Variants in FSTL5 observed in about 807,000 individuals in gnomAD.
FSTL5 encodes follistatin-related protein 5.
FSTL5 carries 62 observed loss-of-function variants against 89.1 expected under a neutral mutation model. The ratio of observed to expected loss-of-function variants is 0.70; its 90% CI spans 0.57 to 0.86. The LOEUF (loss-of-function observed/expected upper bound fraction) is 0.86, where lower values mean the gene tolerates loss of function less well. Among genes scored for constraint, FSTL5 ranks in the 40% least tolerant of loss-of-function variants. The pLI is 0.00. For missense variants in FSTL5, 1,057 were observed against 1,001.6 expected, an observed-to-expected ratio of 1.06 and a Z score of -0.75; for synonymous variants, 383 against 346.2, an observed-to-expected ratio of 1.11 and a Z score of -1.18.
intron 15 of FSTL5, among the ~76,000 whole-genome samples, chr4:161,393,497 G>T (rs1245286249): frequency 6.6e-6 from 1 of 152,014 alleles, no homozygotes; most frequent in East Asian, 1.9e-4. Context: ...CTTCGAAGAT[G>T]GGAGAAGGGA....
chr4:161,950,170 T>G (rs1390550969), intron 3 of FSTL5, among the ~76,000 whole-genome samples: 1 of 152,156 alleles, frequency 6.6e-6, no homozygotes, highest in Non-Finnish European at 1.5e-5. Flanking sequence ...TGAGGCACAT[T>G]CTCTTCAGCA....
intron 8 of FSTL5, among the ~76,000 whole-genome samples, chr4:161,561,595 A>T (rs1316076733): frequency 1.3e-5 from 2 of 151,974 alleles, no homozygotes; most frequent in Admixed American, 6.6e-5. Flanking sequence ...TTAACAGGGA[A>T]TTTAATGGGG....
At chr4:161,663,426 G>C (rs1388527244) in intron 6 of FSTL5, among the ~76,000 whole-genome samples, 2 of 152,064 alleles carry the variant, frequency 1.3e-5, no homozygotes, top group Non-Finnish European at 2.9e-5. Flanking sequence ...CCAAAACAAA[G>C]GGGTTACATG....
At chr4:162,124,918 T>C (rs1732018057) in intron 1 of FSTL5, among the ~76,000 whole-genome samples, 1 of 152,176 alleles carries the variant, frequency 6.6e-6, no homozygotes, top group African/African-American at 2.4e-5. Flanking sequence ...TTAGCCAGGA[T>C]GGTCACAATC....
At chr4:161,864,796 C>T (rs1026712016) in intron 4 of FSTL5, among the ~76,000 whole-genome samples, 6 of 142,132 alleles carry the variant, frequency 4.2e-5, no homozygotes, top group Middle Eastern at 4.1e-3. Context: ...CACTTGAACC[C>T]GGGAGGTAGA....
At chr4:161,584,184 C>T (rs1038164748) in intron 8 of FSTL5, among the ~76,000 whole-genome samples, 4 of 152,124 alleles carry the variant, frequency 2.6e-5, no homozygotes, top group Non-Finnish European at 5.9e-5. Flanking sequence ...CATGTCTTCC[C>T]CTCCTCAAAC....
intron 1 of FSTL5, among the ~76,000 whole-genome samples, chr4:162,155,756 G>C (rs1262915461): frequency 1.3e-5 from 2 of 152,156 alleles, no homozygotes; most frequent in Non-Finnish European, 2.9e-5. Context: ...AGGACATTGT[G>C]TTTATACAGA....
chr4:161,928,085 C>T (rs1734179186), intron 3 of FSTL5, among the ~76,000 whole-genome samples: 1 of 151,814 alleles, frequency 6.6e-6, no homozygotes, highest in Non-Finnish European at 1.5e-5. Context: ...GAACCCTCAG[C>T]AATTGCTGAT....
chr4:161,527,751 T>C (rs1395538629), intron 10 of FSTL5, among the ~76,000 whole-genome samples: 1 of 151,542 alleles, frequency 6.6e-6, no homozygotes, highest in Non-Finnish European at 1.5e-5. Context: ...TCCTCAGGGA[T>C]CTAGAACTAG....
chr4:161,551,739 G>C (rs1050115076), intron 8 of FSTL5, among the ~76,000 whole-genome samples: 1 of 151,914 alleles, frequency 6.6e-6, no homozygotes, highest in Admixed American at 6.6e-5. Context: ...ATGGGGAAAC[G>C]ATTCCCTATT....
chr4:161,790,568 C>A (rs1470197672), intron 4 of FSTL5, among the ~76,000 whole-genome samples: 1 of 152,156 alleles, frequency 6.6e-6, no homozygotes, highest in Non-Finnish European at 1.5e-5. Flanking sequence ...GGGGATTTTT[C>A]ATGAGGATGC....
At chr4:161,434,281 A>G (rs1215681132) in intron 15 of FSTL5, among the ~76,000 whole-genome samples, 2 of 152,116 alleles carry the variant, frequency 1.3e-5, no homozygotes, top group Non-Finnish European at 2.9e-5. Flanking sequence ...TTTTCAACAA[A>G]GGTGCCAAGA....
At chr4:161,955,436 T>C (rs1376703751) in intron 3 of FSTL5, among the ~76,000 whole-genome samples, 3 of 151,678 alleles carry the variant, frequency 2.0e-5, no homozygotes, top group African/African-American at 7.2e-5. Context: ...TTGTGCTAAA[T>C]AAAAATAAAA....
At chr4:162,094,023 A>T (rs1730654117) in intron 2 of FSTL5, among the ~76,000 whole-genome samples, 1 of 152,226 alleles carries the variant, frequency 6.6e-6, no homozygotes, top group South Asian at 2.1e-4. Context: ...TAAAATAATT[A>T]TTAAGAACCA....
intron 3 of FSTL5, among the ~76,000 whole-genome samples, chr4:161,998,695 G>A (rs558795114): frequency 1.3e-5 from 2 of 151,960 alleles, no homozygotes; most frequent in Non-Finnish European, 1.5e-5. Flanking sequence ...GAATTGCTTT[G>A]GGTTCAATAA....
intron 4 of FSTL5, among the ~76,000 whole-genome samples, chr4:161,780,481 T>C (rs979311890): frequency 6.6e-6 from 1 of 152,194 alleles, no homozygotes; most frequent in Non-Finnish European, 1.5e-5. Context: ...TCCTCTGCTG[T>C]TCCTGTTCTA....
rs145622729 is a variant in FSTL5 at position 161,707,306 on chromosome 4, T to A, written c.728-50812A>T. On this transcript the variant is annotated intron_variant, in intron 6 of 15. Transcript: ENST00000306100. The stretch of plus-strand genomic sequence containing the variant: ...TAGTTTCTTGGACAAATTCCTATTA[T>A]AGAAACAAGATATGCACTATTGAGA... 2.8e-3 allele frequency among the ~76,000 whole-genome samples: 430 copies of A among 151,986 alleles called. 5 individuals carry two copies. Among genetic ancestry groups the A allele is most frequent in the African/African-American group, 9.8e-3 (407 of 41,514 alleles).
At chr4:162,026,464 C>A (rs1203320422) in intron 3 of FSTL5, among the ~76,000 whole-genome samples, 16 of 151,528 alleles carry the variant, frequency 1.1e-4, no homozygotes, top group Non-Finnish European at 2.9e-5. Context: ...CCCACCACCA[C>A]GCTTGGCTAA....
At chr4:161,976,627 G>A (rs530194865) in intron 3 of FSTL5, among the ~76,000 whole-genome samples, 1 of 151,964 alleles carries the variant, frequency 6.6e-6, no homozygotes, top group East Asian at 1.9e-4. Flanking sequence ...GACTACAGGC[G>A]CCCGCCACCA....
Sources: allele counts gnomAD v4.1 joint callset (sites outside exome capture counted in the v4.1 genomes callset), GRCh38; gene constraint gnomAD v4.1.1; transcripts MANE v1.5; gene names NCBI Gene and HGNC (gene_info 2026-07-23, HGNC 2026-07-21).